Variants in GLT1D1 observed in about 807,000 individuals in gnomAD.
GLT1D1 encodes glycosyltransferase 1 domain-containing protein 1.
GLT1D1 carries 21 observed loss-of-function variants against 28.7 expected under a neutral mutation model. The observed-to-expected ratio is 0.73, with a 90% confidence interval of 0.52 to 1.05. The LOEUF is 1.05. GLT1D1 is among the 50% of genes least tolerant of loss of function. The probability of loss-of-function intolerance (pLI) is 0.00; values close to 1 mark genes in which losing one functional copy is unlikely to be tolerated. For synonymous variants in GLT1D1, 147 were observed against 124.8 expected (o/e 1.18, Z -1.19); for missense variants, 343 against 330.6 (o/e 1.04, Z -0.29).
intron 7 of GLT1D1, among the ~76,000 whole-genome samples, chr12:128,977,007 G>C (rs759072339): frequency 2.0e-5 from 3 of 152,168 alleles, no homozygotes; most frequent in African/African-American, 4.8e-5. Flanking sequence ...TTAGTCGGGC[G>C]TGGTGGCACA....
intron 1 of GLT1D1, among the ~76,000 whole-genome samples, chr12:128,857,016 G>A (rs372801732): frequency 9.9e-5 from 15 of 152,190 alleles, no homozygotes; most frequent in Middle Eastern, 6.8e-3. Context: ...GAACCTGAAC[G>A]GGCACAGAGT....
intron 4 of GLT1D1, among the ~76,000 whole-genome samples, chr12:128,921,670 GA>G (rs1872667207): frequency 1.3e-5 from 2 of 152,022 alleles, no homozygotes; most frequent in African/African-American, 2.4e-5. Context: ...GGGGTAGTTG[GA>G]GGGCCACTTT....
At chr12:128,980,530 C>T (rs1880216411) in intron 7 of GLT1D1, among the ~76,000 whole-genome samples, 1 of 152,218 alleles carries the variant, frequency 6.6e-6, no homozygotes, top group Non-Finnish European at 1.5e-5. Flanking sequence ...TTCTGCTGAT[C>T]TGGTGAGTGG....
intron 4 of GLT1D1, chr12:128,944,754 GT>G: frequency 1.9e-6 from 1 of 526,754 alleles, no homozygotes; most frequent in African/African-American, 1.9e-5. Flanking sequence ...TTTGGGATGA[GT>G]TTCCCTTGGT....
intron 1 of GLT1D1, chr12:128,864,110 T>C: frequency 3.0e-6 from 2 of 666,136 alleles, no homozygotes; most frequent in Non-Finnish European, 5.5e-6. Flanking sequence ...GAATGCTGGC[T>C]GATGCCAGCT....
intron 1 of GLT1D1, 139 bp from the exon 2 acceptor site, chr12:128,875,774 TG>T: frequency 1.2e-6 from 1 of 810,978 alleles, no homozygotes; most frequent in Non-Finnish European, 2.0e-6. Flanking sequence ...CTCCCCAGCC[TG>T]GGCAACATGA....
intron 2 of GLT1D1, among the ~76,000 whole-genome samples, chr12:128,884,870 C>T (rs1205674117): frequency 6.7e-6 from 1 of 150,160 alleles, no homozygotes; most frequent in Non-Finnish European, 1.5e-5. Flanking sequence ...TTCTCATCAC[C>T]AAATAAATGA....
intron 4 of GLT1D1, among the ~76,000 whole-genome samples, chr12:128,941,142 T>C (rs1370717102): frequency 6.6e-6 from 1 of 152,232 alleles, no homozygotes; most frequent in African/African-American, 2.4e-5. Flanking sequence ...TCACCCTTGT[T>C]GCTGCCTAAG....
intron 4 of GLT1D1, among the ~76,000 whole-genome samples, chr12:128,935,284 C>T (rs1593155872): frequency 1.3e-5 from 2 of 152,232 alleles, no homozygotes; most frequent in African/African-American, 2.4e-5. Flanking sequence ...CGGTGGCTCA[C>T]GTCTGTAATC....
intron 1 of GLT1D1, among the ~76,000 whole-genome samples, chr12:128,856,536 G>A (rs1383821238): frequency 6.6e-6 from 1 of 152,134 alleles, no homozygotes; most frequent in Non-Finnish European, 1.5e-5. Flanking sequence ...TTGAAGCTAA[G>A]ACCGAAAAGA....
At chr12:128,972,117 G>A (rs547788810) in intron 7 of GLT1D1, among the ~76,000 whole-genome samples, 4 of 152,080 alleles carry the variant, frequency 2.6e-5, no homozygotes, top group Admixed American at 6.5e-5. Flanking sequence ...GGCTGCATGC[G>A]GGGCAAAGCC....
intron 4 of GLT1D1, among the ~76,000 whole-genome samples, chr12:128,906,251 T>C (rs1870857174): frequency 6.6e-6 from 1 of 152,250 alleles, no homozygotes; most frequent in African/African-American, 2.4e-5. Flanking sequence ...TGTAGGATTT[T>C]GATTTCTTGC....
At chr12:128,933,189 C>T (rs961489984) in intron 4 of GLT1D1, among the ~76,000 whole-genome samples, 3 of 152,228 alleles carry the variant, frequency 2.0e-5, no homozygotes, top group Admixed American at 6.5e-5. Flanking sequence ...TATCAGTGTC[C>T]ATGTGTCAAT....
intron 5 of GLT1D1, among the ~76,000 whole-genome samples, chr12:128,946,110 T>C (rs1031292962): frequency 6.6e-6 from 1 of 152,074 alleles, no homozygotes; most frequent in Non-Finnish European, 1.5e-5. Context: ...TGCTCCTAGG[T>C]GCAGACGCGT....
intron 2 of GLT1D1, 94 bp from the exon 3 acceptor site, chr12:128,888,545 G>T: frequency 1.3e-6 from 1 of 771,616 alleles, no homozygotes; most frequent in South Asian, 1.7e-5. Context: ...CCGGCGATCT[G>T]GGAACTTCAG....
rs561389703 is a variant in GLT1D1, at chr12:128,939,846, C to A, written c.376-5480C>A. 1.4e-4 allele frequency among the ~76,000 whole-genome samples: 19 copies of A among 131,104 alleles called. 2 individuals are homozygous for A. In the East Asian group the frequency reaches 3.5e-3, roughly 24 times the overall value. The allele number at this position is 131,104 out of a possible 152,430, so 86.0% of individuals were successfully genotyped here. The stretch of plus-strand genomic sequence containing the variant: ...TGCCAAATTGTTAGAAACCCCCCCC[C>A]ACCGCCGATCCAATCACCTCCTACC... On this transcript the variant is annotated intron_variant, in intron 4 of 7. Coordinates refer to ENST00000281703, the MANE Select transcript of GLT1D1 (RefSeq NM_144669.3).
chr12:128,958,994 C>T (rs1169561818), intron 7 of GLT1D1, among the ~76,000 whole-genome samples: 7 of 151,424 alleles, frequency 4.6e-5, no homozygotes, highest in East Asian at 2.0e-4. Flanking sequence ...TGCACCACCA[C>T]GCCTGGCTAA....
intron 2 of GLT1D1, among the ~76,000 whole-genome samples, chr12:128,877,309 T>A (rs1257854841): frequency 6.6e-6 from 1 of 152,232 alleles, no homozygotes. Context: ...CATTGGAGGA[T>A]CAAAATTTGC....
intron 1 of GLT1D1, among the ~76,000 whole-genome samples, chr12:128,857,273 CTACAAA>C (rs60943250): frequency 0.023 from 3,490 of 152,234 alleles, 129 homozygotes; most frequent in East Asian, 0.15. Context: ...GGCCTTGGGG[CTACAAA>C]GGGGAAGGAG....
Sources: gnomAD v4.1 joint callset for allele counts (sites outside exome capture counted in the v4.1 genomes callset) on GRCh38, gnomAD v4.1.1 for gene constraint, MANE v1.5 for transcripts, NCBI Gene and HGNC (gene_info 2026-07-23, HGNC 2026-07-21) for gene names.